The following SH3PXD2B variants were observed in gnomAD, a reference collection of about 807,000 sequenced individuals.
SH3PXD2B encodes the protein SH3 and PX domains 2B.
Under a neutral mutation model 73.1 loss-of-function variants are expected in SH3PXD2B, and 37 were observed. That is an observed-to-expected ratio of 0.51 (90% CI 0.39 to 0.67). The LOEUF (loss-of-function observed/expected upper bound fraction) is 0.67, where lower values mean the gene tolerates loss of function less well. Ranked by LOEUF, SH3PXD2B falls within the 30% of genes least tolerant of loss-of-function variation. SH3PXD2B has a pLI of 0.00. For missense variants in SH3PXD2B, 1,053 were observed against 1,197.8 expected (o/e 0.88, Z 1.78); for synonymous variants, 457 against 480.5 (o/e 0.95, Z 0.64).
chr5:172,438,507 C>T (rs1759446110), intron 1 of SH3PXD2B, among the ~76,000 whole-genome samples: 1 of 152,180 alleles, frequency 6.6e-6, no homozygotes, highest in South Asian at 2.1e-4. Flanking sequence ...AAGGTGACCT[C>T]ACTCAAGGCT....
intron 4 of SH3PXD2B, among the ~76,000 whole-genome samples, chr5:172,392,141 A>C (rs1405098040): frequency 6.6e-6 from 1 of 152,038 alleles, no homozygotes; most frequent in African/African-American, 2.4e-5. Context: ...AAGCCCCTAG[A>C]ATATGAATAT....
At chr5:172,388,492 G>A (rs746528241) in intron 4 of SH3PXD2B, among the ~76,000 whole-genome samples, 2 of 152,194 alleles carry the variant, frequency 1.3e-5, no homozygotes, top group East Asian at 3.8e-4. Context: ...ATAGCAGGGG[G>A]TAGTAACTTC....
Position 172,339,323 on chromosome 5 carries a change from C to T in SH3PXD2B, c.1782G>A (p.Met594Ile), listed in dbSNP as rs763014228. The change falls in exon 13 of 13, where the codon ATG becomes ATA. Residue 594 changes from methionine to isoleucine, a missense_variant. Physicochemically the swap from Met to Ile is conservative, Grantham distance 10 (BLOSUM62 1). Around this residue, in one of 2 missense-constraint regions of SH3PXD2B, gnomAD observed 587 missense variants for 590.7 expected, o/e 0.99. Coordinates refer to ENST00000311601, the MANE Select transcript of SH3PXD2B (RefSeq NM_001017995.3). This position sits in a 1 kb window ranked among gnomAD's most constrained non-coding sequence, Gnocchi z 6.1. Reference sequence around the variant, plus strand: ...AGACCTTGTGGCCACACTCCAGCCCCATGTCATTTTTCAGCTGGAACAGTC... The same window carrying T: ...AGACCTTGTGGCCACACTCCAGCCCTATGTCATTTTTCAGCTGGAACAGTC... ...KSRLFQLKND[M>I]GLECGHKVLA... 2 of 1,614,200 alleles carry T rather than the reference C, an allele frequency of 1.2e-6. No homozygotes were observed. The highest frequency in any genetic ancestry group is 1.7e-6 in the Non-Finnish European group (2 of 1,180,034).
At chr5:172,406,397 A>G in intron 2 of SH3PXD2B, 45 bp from the exon 3 acceptor site, 1 of 1,575,236 alleles carries the variant, frequency 6.3e-7, no homozygotes, top group Non-Finnish European at 8.7e-7. Flanking sequence ...TTCATAATGC[A>G]CTAAACATCA....
intron 8 of SH3PXD2B, among the ~76,000 whole-genome samples, chr5:172,357,270 G>T (rs924752837): frequency 6.6e-6 from 1 of 151,644 alleles, no homozygotes; most frequent in East Asian, 1.9e-4. Flanking sequence ...CTAAAAATAC[G>T]AAAACTAGCT....
At chr5:172,412,617 G>A (rs779067695) in intron 2 of SH3PXD2B, among the ~76,000 whole-genome samples, 2 of 152,176 alleles carry the variant, frequency 1.3e-5, no homozygotes, top group South Asian at 4.1e-4. Context: ...TTTCCTTGCC[G>A]AGCTGGTCTT....
chr5:172,376,978 G>A (rs915100405), intron 5 of SH3PXD2B, among the ~76,000 whole-genome samples: 2 of 152,072 alleles, frequency 1.3e-5, no homozygotes, highest in Non-Finnish European at 1.5e-5. Flanking sequence ...ACACACTAAC[G>A]AAGGTTCCAC....
At chr5:172,330,921 G>A (rs191185480), downstream of SH3PXD2B, among the ~76,000 whole-genome samples, 3 of 152,278 alleles carry the variant, frequency 2.0e-5, no homozygotes, top group Non-Finnish European at 2.9e-5. Context: ...CTGGCTGGGC[G>A]CGGTGGCTCA....
chr5:172,372,182 C>T (rs1355612134), intron 6 of SH3PXD2B, among the ~76,000 whole-genome samples: 1 of 152,134 alleles, frequency 6.6e-6, no homozygotes, highest in Non-Finnish European at 1.5e-5. Context: ...TCATGTCGAA[C>T]TGTAATCCCC....
chr5:172,444,672 T>C (rs1759623132), intron 1 of SH3PXD2B, among the ~76,000 whole-genome samples: 1 of 152,138 alleles, frequency 6.6e-6, no homozygotes, highest in Non-Finnish European at 1.5e-5. Flanking sequence ...TCTCCCTCCA[T>C]CTCCACTGTC....
chr5:172,332,920 AC>A (rs1756589240), downstream of SH3PXD2B, among the ~76,000 whole-genome samples: 1 of 136,490 alleles, frequency 7.3e-6, no homozygotes, highest in Non-Finnish European at 1.5e-5. Flanking sequence ...CCCACCCCAA[AC>A]CCCCACCGCA....
chr5:172,388,183 A>G (rs1024290103), intron 4 of SH3PXD2B, among the ~76,000 whole-genome samples: 2 of 152,232 alleles, frequency 1.3e-5, no homozygotes, highest in Non-Finnish European at 1.5e-5. Flanking sequence ...TAGGTCTGGT[A>G]GAGCAGAAAG....
intron 6 of SH3PXD2B, among the ~76,000 whole-genome samples, chr5:172,365,269 A>G (rs2731711): frequency 0.43 from 65,781 of 151,948 alleles, 14,857 homozygotes; most frequent in East Asian, 0.65. Context: ...CACAGAAACC[A>G]TCCCAACACA....
intron 1 of SH3PXD2B, among the ~76,000 whole-genome samples, chr5:172,433,574 C>A (rs549818875): frequency 6.6e-6 from 1 of 152,316 alleles, no homozygotes; most frequent in Non-Finnish European, 1.5e-5. Context: ...CTGGCTCAGT[C>A]CTAGGGCCAC....
intron 5 of SH3PXD2B, among the ~76,000 whole-genome samples, chr5:172,376,187 G>T (rs1470059019): frequency 6.6e-6 from 1 of 151,924 alleles, no homozygotes; most frequent in African/African-American, 2.4e-5. Context: ...CCACCACCAC[G>T]CCTGGCTCTT....
At chr5:172,397,678 G>A (rs910861364) in intron 3 of SH3PXD2B, among the ~76,000 whole-genome samples, 3 of 152,228 alleles carry the variant, frequency 2.0e-5, no homozygotes, top group Non-Finnish European at 4.4e-5. Flanking sequence ...GGGTTCCCCC[G>A]ATATCTGGCA....
chr5:172,334,155 AAACATGAGGAGG>A lies in SH3PXD2B; in HGVS notation c.*4202_*4213del. The A allele has an allele frequency of 8.9e-7, 1 of 1,117,422 alleles. No homozygotes were observed. Among genetic ancestry groups the A allele is most frequent in the Non-Finnish European group, 1.1e-6 (1 of 911,484 alleles). 69.2% of individuals were successfully genotyped at this position (1,117,422 alleles called of 1,614,324 possible). The stretch of plus-strand genomic sequence containing the variant: ...ATAGAAACGGGAAGATGGAATGTTG[AAACATGAGGAGG>A]AGCTCGATAACTTGGCAGAATAGCA... On this transcript the variant is annotated 3_prime_UTR_variant, in exon 13 of 13. Transcript: ENST00000311601.
At chr5:172,437,883 G>A (rs917348600) in intron 1 of SH3PXD2B, among the ~76,000 whole-genome samples, 4 of 152,094 alleles carry the variant, frequency 2.6e-5, no homozygotes, top group Non-Finnish European at 5.9e-5. Context: ...GGAAATGGCG[G>A]CAGGAGTAGG....
intron 1 of SH3PXD2B, among the ~76,000 whole-genome samples, chr5:172,437,727 C>A (rs1013065496): frequency 4.6e-5 from 7 of 152,216 alleles, no homozygotes; most frequent in African/African-American, 1.7e-4. Flanking sequence ...GGCCAAAATA[C>A]AAGTGCTTGT....
Sources: gnomAD v4.1 joint callset for allele counts (sites outside exome capture counted in the v4.1 genomes callset) on GRCh38, gnomAD v4.1.1 for gene constraint, gnomAD v4.1.1 regional missense constraint, Gnocchi (gnomAD v3.1) non-coding constraint, MANE v1.5 for transcripts, NCBI Gene and HGNC (gene_info 2026-07-23, HGNC 2026-07-21) for gene names.